The following MYO16 variants were observed in gnomAD, a reference collection of about 807,000 sequenced individuals.
MYO16 encodes the protein unconventional myosin-XVI.
MYO16 carries 94 observed loss-of-function variants against 205.3 expected under a neutral mutation model. The ratio of observed to expected loss-of-function variants is 0.46; its 90% CI spans 0.39 to 0.54. MYO16 has a LOEUF of 0.54. MYO16 is among the 20% of genes least tolerant of loss of function. The probability of loss-of-function intolerance (pLI) is 0.00; values close to 1 mark genes in which losing one functional copy is unlikely to be tolerated. For missense variants in MYO16, 2,315 were observed against 2,387.5 expected, an observed-to-expected ratio of 0.97 and a Z score of 0.63; for synonymous variants, 988 against 954.0, an observed-to-expected ratio of 1.04 and a Z score of -0.66.
chr13:108,842,480 T>A (rs981094420), intron 9 of MYO16, among the ~76,000 whole-genome samples: 1 of 152,082 alleles, frequency 6.6e-6, no homozygotes, highest in Non-Finnish European at 1.5e-5. Flanking sequence ...CCAAAGAAGA[T>A]ATACAATTTT....
the MYO16 span, among the ~76,000 whole-genome samples, chr13:108,551,084 C>A: frequency 6.6e-6 from 1 of 152,132 alleles, no homozygotes; most frequent in Non-Finnish European, 1.5e-5. Flanking sequence ...CCTTCACATG[C>A]ACATTTTAAT....
chr13:109,000,841 A>G (rs1478430098), intron 21 of MYO16, among the ~76,000 whole-genome samples: 2 of 152,118 alleles, frequency 1.3e-5, no homozygotes, highest in Non-Finnish European at 2.9e-5. Context: ...AGATTTGTCA[A>G]TAAATTTAGC....
rs368850426 is a variant in MYO16, at chr13:108,942,071, A to G, written c.1926-15617A>G. On this transcript the variant is annotated intron_variant, in intron 16 of 34. Coordinates refer to ENST00000457511, the MANE Select transcript of MYO16 (RefSeq NM_001198950.3). ...TTGTATTTGCAGTATAGTATATACA[A>G]TTCTGCACTTCCAGAGAATACCAGA... Among the ~76,000 whole-genome samples, 10 of 152,222 alleles carry G rather than the reference A, an allele frequency of 6.6e-5. No homozygotes were observed. In the East Asian group the frequency reaches 1.2e-3, roughly 18 times the overall value.
chr13:109,097,726 G>A (rs1594083248), intron 27 of MYO16, among the ~76,000 whole-genome samples: 1 of 152,228 alleles, frequency 6.6e-6, no homozygotes, highest in Non-Finnish European at 1.5e-5. Flanking sequence ...TTCAGTCTCA[G>A]TTACTTCAGC....
intron 9 of MYO16, among the ~76,000 whole-genome samples, chr13:108,835,470 C>G (rs1876861191): frequency 6.6e-6 from 1 of 152,154 alleles, no homozygotes; most frequent in Non-Finnish European, 1.5e-5. Flanking sequence ...AGCATGAGAA[C>G]AGACTAATAC....
chr13:109,186,353 G>A lies in MYO16; in HGVS notation c.5415+6720G>A, dbSNP rs1206388465. Among the ~76,000 whole-genome samples the A allele has an allele frequency of 2.6e-5, 4 of 152,122 alleles. No individual in the cohort carries two copies. In the East Asian group the frequency reaches 7.7e-4, roughly 29 times the overall value. ...GGTGTCACACGACCTGCTGCTGCTGGCCCTAGGGTGCTGTGGTGCCTCAGG... is the reference window on the plus strand; with the variant it reads ...GGTGTCACACGACCTGCTGCTGCTGACCCTAGGGTGCTGTGGTGCCTCAGG... On this transcript the variant is annotated intron_variant, in intron 34 of 34. Transcript: ENST00000457511.
chr13:108,778,501 C>T (rs977631094), intron 4 of MYO16, among the ~76,000 whole-genome samples: 2 of 152,228 alleles, frequency 1.3e-5, no homozygotes, highest in African/African-American at 4.8e-5. Context: ...CACCTATAGT[C>T]CCAGCTACCT....
intron 1 of MYO16, among the ~76,000 whole-genome samples, chr13:108,649,739 G>T (rs1880915919): frequency 6.6e-6 from 1 of 152,112 alleles, no homozygotes; most frequent in South Asian, 2.1e-4. Flanking sequence ...AGAGAATAAA[G>T]CCAAGGGTGT....
intron 24 of MYO16, 52 bp from the exon 25 acceptor site, chr13:109,052,248 C>A: frequency 6.7e-7 from 1 of 1,485,966 alleles, no homozygotes; most frequent in Non-Finnish European, 9.4e-7. Flanking sequence ...AAGTTCAATG[C>A]TTAAGTAATA....
the MYO16 span, among the ~76,000 whole-genome samples, chr13:108,509,302 C>T: frequency 3.3e-5 from 5 of 152,128 alleles, no homozygotes; most frequent in African/African-American, 1.2e-4. Context: ...GACGATTTCT[C>T]TCCTACAGAA....
chr13:109,048,321 T>C (rs748476101), intron 24 of MYO16: 2 of 740,378 alleles, frequency 2.7e-6, no homozygotes, highest in South Asian at 2.9e-5. Flanking sequence ...AATTCAGTCT[T>C]TTTTTTTATT....
chr13:109,052,309 A>G lies in MYO16; in HGVS notation c.2882A>G (p.Asn961Ser). Residue 961 changes from asparagine (N) to serine (S), a missense_variant, in exon 25 of 35, where the codon AAT becomes AGT. Around this residue, in one of 3 missense-constraint regions of MYO16, gnomAD observed 1,213 missense variants for 1,274.4 expected, o/e 0.95. Coordinates refer to ENST00000457511, the MANE Select transcript of MYO16 (RefSeq NM_001198950.3). Reference sequence around the variant, plus strand: ...TTTATTTATTTCCTAGCTAGTGAAAATGTCGTGATCAATCATTTGTTCCAG... The same window carrying G: ...TTTATTTATTTCCTAGCTAGTGAAAGTGTCGTGATCAATCATTTGTTCCAG... ...NLLFVMKTSENVVINHLFQSK... is the reference protein window; with the variant it reads ...NLLFVMKTSESVVINHLFQSK... 6.2e-7 allele frequency: 1 copy of G among 1,612,374 alleles called. No homozygotes were observed. Among genetic ancestry groups the G allele is most frequent in the Non-Finnish European group, 8.5e-7 (1 of 1,178,874 alleles).
intron 21 of MYO16, among the ~76,000 whole-genome samples, chr13:108,996,179 A>C (rs149022124): frequency 1.3e-5 from 2 of 152,196 alleles, no homozygotes; most frequent in African/African-American, 4.8e-5. Flanking sequence ...TATTTCTTAT[A>C]ATAAGTACAA....
chr13:109,001,545 T>C (rs1340029186), intron 21 of MYO16, among the ~76,000 whole-genome samples: 1 of 152,152 alleles, frequency 6.6e-6, no homozygotes, highest in Non-Finnish European at 1.5e-5. Context: ...CAATTATAGA[T>C]TCTGAGAAGA....
intron 2 of MYO16, among the ~76,000 whole-genome samples, chr13:108,700,818 C>G (rs569861478): frequency 3.3e-5 from 5 of 152,088 alleles, no homozygotes; most frequent in African/African-American, 1.2e-4. Flanking sequence ...GCAATGTGTT[C>G]CTCAGGAACT....
chr13:108,840,630 T>C (rs1171016358), intron 9 of MYO16, among the ~76,000 whole-genome samples: 1 of 152,128 alleles, frequency 6.6e-6, no homozygotes, highest in Non-Finnish European at 1.5e-5. Context: ...CTCGACCTCA[T>C]AGGCCCAAGT....
chr13:108,929,387 A>C (rs1205295594), intron 16 of MYO16, among the ~76,000 whole-genome samples: 1 of 152,218 alleles, frequency 6.6e-6, no homozygotes, highest in East Asian at 1.9e-4. Flanking sequence ...TGAAAGAATA[A>C]TGAGGTACCA....
intron 34 of MYO16, among the ~76,000 whole-genome samples, chr13:109,189,574 T>C (rs984554321): frequency 6.6e-6 from 1 of 152,246 alleles, no homozygotes; most frequent in African/African-American, 2.4e-5. Context: ...CCCTTCACCC[T>C]CTATCACCCA....
In MYO16 at chr13:109,040,468, A is replaced by T. The variant is rs557800622; in HGVS notation, c.2797-6448A>T. 2.0e-4 allele frequency among the ~76,000 whole-genome samples: 31 copies of T among 151,906 alleles called. 1 individual carries two copies. The highest frequency in any genetic ancestry group is 7.5e-4 in the African/African-American group (31 of 41,384). On this transcript the variant is annotated intron_variant, in intron 23 of 34. Coordinates refer to ENST00000457511, the MANE Select transcript of MYO16 (RefSeq NM_001198950.3). ...TGAATATAGGTGAAAAAATATGTTT[A>T]ATATATTAGCAGATAGAACTTAGCA...
Sources: gnomAD v4.1 joint callset for allele counts (sites outside exome capture counted in the v4.1 genomes callset) on GRCh38, gnomAD v4.1.1 for gene constraint, gnomAD v4.1.1 regional missense constraint, MANE v1.5 for transcripts, NCBI Gene and HGNC (gene_info 2026-07-23, HGNC 2026-07-21) for gene names.